The following ST8SIA5 variants were observed in gnomAD, a reference collection of about 807,000 sequenced individuals.
The protein encoded by ST8SIA5 is ST8 alpha-N-acetyl-neuraminide alpha-2,8-sialyltransferase 5.
Under a neutral mutation model 40.2 loss-of-function variants are expected in ST8SIA5, and 24 were observed. That is an observed-to-expected ratio of 0.60 (90% confidence interval 0.43 to 0.84). The LOEUF (loss-of-function observed/expected upper bound fraction) is 0.84, where lower values mean the gene tolerates loss of function less well. Ranked by LOEUF, ST8SIA5 falls within the 40% of genes least tolerant of loss-of-function variation. The pLI is 0.00. For synonymous variants in ST8SIA5, 198 were observed against 201.8 expected (o/e 0.98, Z 0.16); for missense variants, 465 against 498.5 (o/e 0.93, Z 0.64).
chr18:46,755,327 GAGA>G lies in ST8SIA5; in HGVS notation c.131+1048_131+1050del, dbSNP rs552511125. Among the ~76,000 whole-genome samples the G allele has an allele frequency of 1.9e-3, 284 of 152,286 alleles. 2 individuals are homozygous for G. Among genetic ancestry groups the G allele is most frequent in the Non-Finnish European group, 3.1e-3 (210 of 68,016 alleles). On this transcript the variant is annotated intron_variant, in intron 1 of 6. Transcript: ENST00000315087. Reference sequence around the variant, plus strand: ...GGCTGTTTCGTTATGGGGAAGTTTAGAGAAGAAGGTGGGATGCTTACTTAGCTA... The same window carrying G: ...GGCTGTTTCGTTATGGGGAAGTTTAGAGAAGGTGGGATGCTTACTTAGCTA...
intron 1 of ST8SIA5, among the ~76,000 whole-genome samples, chr18:46,751,964 G>A (rs965733979): frequency 1.3e-5 from 2 of 152,060 alleles, no homozygotes; most frequent in Non-Finnish European, 2.9e-5. Flanking sequence ...CAGACCCACA[G>A]CTGTCACCCT....
chr18:46,682,137 G>A (rs2039403548), intron 5 of ST8SIA5, 73 bp from the exon 6 acceptor site: 1 of 1,131,246 alleles, frequency 8.8e-7, no homozygotes, highest in African/African-American at 1.5e-5. Context: ...GCAGGGGGAG[G>A]GGAGGGATGG....
chr18:46,734,013 C>T (rs2040009844), intron 1 of ST8SIA5, among the ~76,000 whole-genome samples: 2 of 152,118 alleles, frequency 1.3e-5, no homozygotes, highest in African/African-American at 2.4e-5. Context: ...CCGCCCTTCC[C>T]CCACCTACCT....
chr18:46,723,388 C>T (rs1034040714), intron 1 of ST8SIA5, among the ~76,000 whole-genome samples: 16 of 151,970 alleles, frequency 1.1e-4, no homozygotes, highest in Non-Finnish European at 2.1e-4. Context: ...CCCATCTCTA[C>T]AAAAAATACA....
At position 46,686,170 on chromosome 18, in the gene ST8SIA5, T is replaced by C. The variant is rs752557177; in HGVS notation, c.569+4A>G. The C allele has an allele frequency of 1.2e-6, 2 of 1,614,050 alleles. No individual in the cohort carries two copies. Among genetic ancestry groups the C allele is most frequent in the Non-Finnish European group, 8.5e-7 (1 of 1,179,960 alleles). On this transcript the variant is annotated splice_donor_region_variant and intron_variant, in intron 5 of 6. Coordinates refer to ENST00000315087, the MANE Select transcript of ST8SIA5 (RefSeq NM_013305.6). Reference sequence around the variant, plus strand: ...GGCAAGGGCAGTGCCAGGGTTTCTTTTACCGGAAGACGAAGTCGGCGCTGT... The same window carrying C: ...GGCAAGGGCAGTGCCAGGGTTTCTTCTACCGGAAGACGAAGTCGGCGCTGT...
At chr18:46,732,764 T>C in intron 1 of ST8SIA5, among the ~76,000 whole-genome samples, 1 of 152,180 alleles carries the variant, frequency 6.6e-6, no homozygotes, top group East Asian at 1.9e-4. Flanking sequence ...CTCGGTTTTC[T>C]TATCTTCAAC....
intron 5 of ST8SIA5, among the ~76,000 whole-genome samples, chr18:46,683,099 C>T (rs1051686197): frequency 4.6e-5 from 7 of 152,082 alleles, no homozygotes; most frequent in African/African-American, 1.7e-4. Context: ...ATACATTGTT[C>T]AGGGGTACAT....
chr18:46,682,013 C>A lies in ST8SIA5; in HGVS notation c.621G>T (p.Lys207Asn). The change falls in exon 6 of 7, where the codon AAG (lysine) becomes AAT (asparagine). Residue 207 changes from lysine (K) to asparagine (N), a missense_variant. Coordinates refer to ENST00000315087, the MANE Select transcript of ST8SIA5 (RefSeq NM_013305.6). ...TGGGGTTCACAGTGACCACATCCGT[C>A]TTCACCCCCACATCCATGGTGTACT... ...SEKYTMDVGV[K>N]TDVVTVNPSI... 6.2e-7 allele frequency: 1 copy of A among 1,613,788 alleles called. No homozygotes were observed. Among genetic ancestry groups the A allele is most frequent in the Non-Finnish European group, 8.5e-7 (1 of 1,179,902 alleles).
At position 46,678,951 on chromosome 18, in the gene ST8SIA5, G is replaced by T. The variant is rs2039357915; in HGVS notation, c.*1091C>A. On this transcript the variant is annotated 3_prime_UTR_variant, in exon 7 of 7. Coordinates refer to ENST00000315087, the MANE Select transcript of ST8SIA5 (RefSeq NM_013305.6). ...CCAAGCCCAGGCCCTGGGGTCTGCTGTGAGAAGTCCCGCCTTCACAGCGGA... is the reference window on the plus strand; with the variant it reads ...CCAAGCCCAGGCCCTGGGGTCTGCTTTGAGAAGTCCCGCCTTCACAGCGGA... The T allele has an allele frequency of 3.3e-5, 5 of 152,270 alleles. No homozygotes were observed. In the South Asian group the frequency reaches 1.0e-3, roughly 31 times the overall value. 9.4% of individuals were successfully genotyped at this position (152,270 alleles called of 1,614,324 possible).
intron 1 of ST8SIA5, among the ~76,000 whole-genome samples, chr18:46,753,498 G>A (rs927376374): frequency 4.0e-5 from 6 of 151,792 alleles, no homozygotes; most frequent in African/African-American, 7.3e-5. Flanking sequence ...GCCTGAACCC[G>A]GGAGGCAGAG....
intron 4 of ST8SIA5, among the ~76,000 whole-genome samples, chr18:46,687,458 C>T (rs955150386): frequency 1.3e-5 from 2 of 152,168 alleles, no homozygotes; most frequent in Non-Finnish European, 2.9e-5. Flanking sequence ...GGCTGCTTCT[C>T]CTTGGATCTG....
At chr18:46,682,499 C>A (rs1212798741) in intron 5 of ST8SIA5, among the ~76,000 whole-genome samples, 4 of 152,196 alleles carry the variant, frequency 2.6e-5, no homozygotes, top group Non-Finnish European at 4.4e-5. Context: ...CATAAACATG[C>A]GATATGTTCG....
chr18:46,756,725 G>T lies in ST8SIA5; in HGVS notation c.-217C>A. The stretch of plus-strand genomic sequence containing the variant: ...GGCGGCAAGCAGGACAGGGCCGGTG[G>T]CAGGGAGCTCTGCCGCGGCCAGGGG... On this transcript the variant is annotated 5_prime_UTR_variant, in exon 1 of 7. Transcript: ENST00000315087. 1.9e-6 allele frequency: 1 copy of T among 524,104 alleles called. No individual in the cohort carries two copies. The highest frequency in any genetic ancestry group is 3.5e-5 in the East Asian group (1 of 28,334). The allele number at this position is 524,104 out of a possible 1,614,324, so 32.5% of individuals were successfully genotyped here.
At chr18:46,744,845 C>G (rs1272695617) in intron 1 of ST8SIA5, among the ~76,000 whole-genome samples, 1 of 152,138 alleles carries the variant, frequency 6.6e-6, no homozygotes, top group Non-Finnish European at 1.5e-5. Flanking sequence ...TGTAAAAGAA[C>G]AGAAATCACA....
intron 3 of ST8SIA5, among the ~76,000 whole-genome samples, chr18:46,689,569 A>G (rs1445345013): frequency 7.2e-6 from 1 of 138,652 alleles, no homozygotes; most frequent in Non-Finnish European, 1.6e-5. Context: ...GGAATGTTTT[A>G]TGATTTTTTT....
chr18:46,730,807 T>G (rs917841108), intron 1 of ST8SIA5, among the ~76,000 whole-genome samples: 1 of 151,908 alleles, frequency 6.6e-6, no homozygotes, highest in African/African-American at 2.4e-5. Context: ...TCTCAAAAAA[T>G]AAAAATAAAG....
At chr18:46,749,070 T>C (rs2040171136) in intron 1 of ST8SIA5, among the ~76,000 whole-genome samples, 1 of 152,252 alleles carries the variant, frequency 6.6e-6, no homozygotes, top group African/African-American at 2.4e-5. Flanking sequence ...TGGATGAACC[T>C]TGAAAACATT....
intron 3 of ST8SIA5, chr18:46,691,524 C>G (rs1318095861): frequency 6.6e-6 from 1 of 152,664 alleles, no homozygotes; most frequent in Non-Finnish European, 1.5e-5. Flanking sequence ...ATCCCATAAG[C>G]TTACAGAACT....
At chr18:46,748,343 C>A (rs900899904) in intron 1 of ST8SIA5, among the ~76,000 whole-genome samples, 4 of 151,914 alleles carry the variant, frequency 2.6e-5, no homozygotes, top group African/African-American at 9.7e-5. Flanking sequence ...AAGGGTGGAT[C>A]ACCTGAGATT....
Sources: allele counts gnomAD v4.1 joint callset (sites outside exome capture counted in the v4.1 genomes callset), GRCh38; gene constraint gnomAD v4.1.1; transcripts MANE v1.5; gene names NCBI Gene and HGNC (gene_info 2026-07-23, HGNC 2026-07-21).